ROBO1: variants seen among roughly 807,000 people sequenced by gnomAD.
The protein encoded by ROBO1 is roundabout homolog 1.
Under a neutral mutation model 195.9 loss-of-function variants are expected in ROBO1, and 149 were observed. That is an observed-to-expected ratio of 0.76 (90% CI 0.67 to 0.87). The LOEUF (loss-of-function observed/expected upper bound fraction) is 0.87. ROBO1 is among the 40% of genes least tolerant of loss of function. ROBO1 has a pLI of 0.00. For missense variants in ROBO1, 1,933 were observed against 2,068.3 expected, an observed-to-expected ratio of 0.93 and a Z score of 1.27; for synonymous variants, 816 against 733.2, an observed-to-expected ratio of 1.11 and a Z score of -1.82.
intron 2 of ROBO1, among the ~76,000 whole-genome samples, chr3:79,562,068 T>A (rs1441135237): frequency 3.9e-5 from 6 of 152,176 alleles, no homozygotes; most frequent in Admixed American, 6.6e-5. Flanking sequence ...GTGGCCTTTG[T>A]GGACTAATTC....
At chr3:78,929,137 T>C (rs1445343419) in intron 4 of ROBO1, among the ~76,000 whole-genome samples, 4 of 152,096 alleles carry the variant, frequency 2.6e-5, no homozygotes, top group African/African-American at 9.7e-5. Flanking sequence ...AAATGTAAAA[T>C]GTCATTTGCA....
intron 3 of ROBO1, among the ~76,000 whole-genome samples, chr3:79,069,400 T>G (rs540112487): frequency 6.6e-6 from 1 of 151,910 alleles, no homozygotes; most frequent in Non-Finnish European, 1.5e-5. Flanking sequence ...TTTATTCACC[T>G]GGACATGGTC....
chr3:79,030,460 G>T (rs2078274768), intron 3 of ROBO1, among the ~76,000 whole-genome samples: 1 of 152,158 alleles, frequency 6.6e-6, no homozygotes, highest in South Asian at 2.1e-4. Flanking sequence ...ACTGGGGAAT[G>T]TTTTGGTTTA....
intron 1 of ROBO1, among the ~76,000 whole-genome samples, chr3:79,696,345 G>T (rs1028048669): frequency 6.6e-6 from 1 of 150,668 alleles, no homozygotes; most frequent in African/African-American, 2.4e-5. Context: ...CCTACTTTAT[G>T]TTGCTTATTA....
intron 2 of ROBO1, among the ~76,000 whole-genome samples, chr3:79,349,546 C>T (rs2035261428): frequency 6.6e-6 from 1 of 152,126 alleles, no homozygotes; most frequent in Non-Finnish European, 1.5e-5. Context: ...AGTTGGAAGA[C>T]TCACATTATC....
At chr3:79,210,812 T>C (rs1284528944) in intron 2 of ROBO1, among the ~76,000 whole-genome samples, 1 of 152,132 alleles carries the variant, frequency 6.6e-6, no homozygotes, top group African/African-American at 2.4e-5. Flanking sequence ...TGAAAATGAA[T>C]TATTTCTGTG....
rs539639908 is a variant in ROBO1 at position 79,624,443 on chromosome 3, C to A, written c.-50-34482G>T. Among the ~76,000 whole-genome samples, 89 of 152,020 alleles carry A rather than the reference C, an allele frequency of 5.9e-4. 1 individual carries two copies. The South Asian group carries it at 8.3e-3, about 14-fold the overall frequency. On this transcript the variant is annotated intron_variant, in intron 1 of 30. Transcript: ENST00000464233. ...TTAAGACCCATCGGTATGCTGTATT[C>A]AGGAGACACACAACTCACATGAAAA...
At chr3:78,936,107 CTT>C (rs1294449213) in intron 4 of ROBO1, among the ~76,000 whole-genome samples, 3 of 151,844 alleles carry the variant, frequency 2.0e-5, no homozygotes, top group African/African-American at 7.2e-5. Flanking sequence ...AATAGAATAA[CTT>C]TGGTGCATTA....
intron 4 of ROBO1, among the ~76,000 whole-genome samples, chr3:78,895,314 A>T (rs1390501940): frequency 3.9e-5 from 6 of 152,212 alleles, no homozygotes; most frequent in Non-Finnish European, 8.8e-5. Context: ...AAAAGGGAAG[A>T]AAAGAGAGAA....
chr3:78,758,525 CAAAAA>C (rs5850391), intron 4 of ROBO1, among the ~76,000 whole-genome samples: 2,296 of 85,222 alleles, frequency 0.027, 30 homozygotes, highest in Middle Eastern at 0.073. Context: ...GACCCTATCT[CAAAAA>C]AAAAAAAAAA....
At chr3:79,494,710 C>CA (rs1939638163) in intron 2 of ROBO1, among the ~76,000 whole-genome samples, 1 of 151,450 alleles carries the variant, frequency 6.6e-6, no homozygotes, top group South Asian at 2.1e-4. Context: ...TTGGTTTCCA[C>CA]AAAAAAAGTG....
chr3:79,513,076 C>A (rs1940785491), intron 2 of ROBO1, among the ~76,000 whole-genome samples: 1 of 151,984 alleles, frequency 6.6e-6, no homozygotes, highest in Admixed American at 6.6e-5. Flanking sequence ...CTGTGAAATT[C>A]TAGGAGACGA....
chr3:79,204,775 T>C (rs886069864), intron 2 of ROBO1, among the ~76,000 whole-genome samples: 1 of 152,180 alleles, frequency 6.6e-6, no homozygotes. Context: ...TTAATTAGCA[T>C]GTCTTTAATT....
chr3:78,997,050 T>C (rs2077384541), intron 3 of ROBO1, among the ~76,000 whole-genome samples: 1 of 152,156 alleles, frequency 6.6e-6, no homozygotes, highest in Non-Finnish European at 1.5e-5. Flanking sequence ...TGCTATCTAC[T>C]GGTAGTGAGA....
At chr3:79,725,991 A>G (rs1005813150) in intron 1 of ROBO1, among the ~76,000 whole-genome samples, 2 of 152,172 alleles carry the variant, frequency 1.3e-5, no homozygotes, top group African/African-American at 4.8e-5. Flanking sequence ...ACTTTAAGAG[A>G]ATCTCAAGAA....
At chr3:79,301,983 A>G (rs2032981154) in intron 2 of ROBO1, among the ~76,000 whole-genome samples, 1 of 152,164 alleles carries the variant, frequency 6.6e-6, no homozygotes, top group South Asian at 2.1e-4. Flanking sequence ...CCCACCAGCT[A>G]CAATATTGTC....
intron 1 of ROBO1, among the ~76,000 whole-genome samples, chr3:79,645,281 T>A (rs1038717906): frequency 6.6e-6 from 1 of 151,936 alleles, no homozygotes; most frequent in Non-Finnish European, 1.5e-5. Context: ...ACAGGAGGAT[T>A]GCTTGAGCCC....
At chr3:79,168,922 A>G (rs2081118555) in intron 2 of ROBO1, among the ~76,000 whole-genome samples, 2 of 152,212 alleles carry the variant, frequency 1.3e-5, no homozygotes, top group African/African-American at 4.8e-5. Flanking sequence ...TGAGAAAGTG[A>G]CATTTAAAGT....
chr3:79,386,638 C>A (rs1452564468), intron 2 of ROBO1, among the ~76,000 whole-genome samples: 1 of 152,096 alleles, frequency 6.6e-6, no homozygotes, highest in Non-Finnish European at 1.5e-5. Context: ...CAAGACAGGG[C>A]AGCCCAGCCA....
Sources: allele counts gnomAD v4.1 joint callset (sites outside exome capture counted in the v4.1 genomes callset), GRCh38; gene constraint gnomAD v4.1.1; transcripts MANE v1.5; gene names NCBI Gene and HGNC (gene_info 2026-07-23, HGNC 2026-07-21).